Variants in C21orf58 observed in about 807,000 individuals in gnomAD.
C21orf58 encodes uncharacterized protein C21orf58.
A neutral mutation model predicts 35.8 loss-of-function variants in C21orf58; 34 were observed. That is an observed-to-expected ratio of 0.95 (90% CI 0.72 to 1.26). The LOEUF is 1.26. C21orf58 is among the 50% of genes most tolerant of loss of function. The pLI is 0.00. For synonymous variants in C21orf58, 191 were observed against 175.8 expected, an observed-to-expected ratio of 1.09 and a Z score of -0.68; for missense variants, 440 against 414.3, an observed-to-expected ratio of 1.06 and a Z score of -0.54.
intron 1 of C21orf58, among the ~76,000 whole-genome samples, chr21:46,319,853 C>T (rs569338267): frequency 1.3e-5 from 2 of 151,810 alleles, no homozygotes; most frequent in South Asian, 4.2e-4. Context: ...CCCAAGATTG[C>T]GCCACAGCAC....
At chr21:46,306,396 G>A (rs1248572838) in intron 6 of C21orf58, among the ~76,000 whole-genome samples, 1 of 152,096 alleles carries the variant, frequency 6.6e-6, no homozygotes, top group East Asian at 1.9e-4. Flanking sequence ...CTACTTGGGA[G>A]GCTGAGGTAG....
Position 46,323,755 on chromosome 21 carries a change from G to C in C21orf58, c.-1017C>G. 1 of 254,758 alleles carries C rather than the reference G, an allele frequency of 3.9e-6. No homozygotes were observed. The highest frequency in any genetic ancestry group is 7.8e-6 in the Non-Finnish European group (1 of 129,006). 15.8% of individuals were successfully genotyped at this position (254,758 alleles called of 1,614,324 possible). ...GGGAGAAAACGGCCTGGCCCTGTCC[G>C]GGTGGTTGCTGAGCACCGTTCGGCG... On this transcript the variant is annotated 5_prime_UTR_variant, in exon 1 of 8. Transcript: ENST00000291691.
In C21orf58 at chr21:46,318,273, C is replaced by T. The variant is rs2083050935; in HGVS notation, c.101-53G>A. On this transcript the variant is annotated intron_variant, in intron 1 of 7. Transcript: ENST00000291691. ...AGATAGCCACACCCTCCCTGGACTG[C>T]AGTGCCCCAGAAGCCAGCGCTGGGC... 5.6e-6 allele frequency: 9 copies of T among 1,603,104 alleles called. No homozygotes were observed. In the East Asian group the frequency reaches 2.0e-4, roughly 36 times the overall value.
intron 6 of C21orf58, among the ~76,000 whole-genome samples, chr21:46,303,968 G>T (rs908201167): frequency 1.4e-5 from 2 of 144,442 alleles, no homozygotes; most frequent in African/African-American, 5.1e-5. Flanking sequence ...AGCCAGGATG[G>T]TCTCGATCTC....
chr21:46,303,708 A>AATATATATAT (rs1356861977), intron 6 of C21orf58, among the ~76,000 whole-genome samples: 13 of 37,262 alleles, frequency 3.5e-4, no homozygotes, highest in Non-Finnish European at 4.7e-4. Context: ...ACACACACAA[A>AATATATATAT]ATATATATAT....
chr21:46,304,920 G>C (rs1203716041), intron 6 of C21orf58, among the ~76,000 whole-genome samples: 1 of 152,186 alleles, frequency 6.6e-6, no homozygotes, highest in Non-Finnish European at 1.5e-5. Flanking sequence ...TGATCCTTGA[G>C]GACATCACAC....
downstream of C21orf58, chr21:46,300,805 G>C (rs1156453624): frequency 7.8e-7 from 1 of 1,286,434 alleles, no homozygotes; most frequent in Non-Finnish European, 1.0e-6. Flanking sequence ...CTAATAGGGG[G>C]TGAATGAAAG....
At chr21:46,317,289 G>C in intron 2 of C21orf58, 21 bp from the exon 3 acceptor site, 1 of 1,608,398 alleles carries the variant, frequency 6.2e-7, no homozygotes, top group Non-Finnish European at 8.5e-7. Flanking sequence ...GAGAGACCGT[G>C]ACAGAGACGG....
rs770826515 is a variant in C21orf58, at chr21:46,322,630, C to A, written c.100+9G>T. The A allele has an allele frequency of 6.6e-7, 1 of 1,525,642 alleles. No individual in the cohort carries two copies. The highest frequency in any genetic ancestry group is 1.3e-5 in the South Asian group (1 of 79,246). The allele number at this position is 1,525,642 out of a possible 1,614,324, so 94.5% of individuals were successfully genotyped here. Reference sequence around the variant, plus strand: ...TGGGAACCAGGAGACCGCTGGACACCCCGCTCACCACACAGAAGACTGTGG... The same window carrying A: ...TGGGAACCAGGAGACCGCTGGACACACCGCTCACCACACAGAAGACTGTGG... On this transcript the variant is annotated intron_variant, in intron 1 of 7. Transcript: ENST00000291691.
At chr21:46,313,052 G>A in intron 5 of C21orf58, 1 of 985,412 alleles carries the variant, frequency 1.0e-6, no homozygotes, top group Non-Finnish European at 1.2e-6. Flanking sequence ...TTCACAGAAA[G>A]GACGGCAGAG....
intron 3 of C21orf58, 41 bp downstream of exon 3, chr21:46,317,167 C>A (rs371184858): frequency 8.8e-6 from 14 of 1,590,554 alleles, no homozygotes; most frequent in East Asian, 2.3e-5. Flanking sequence ...GCTACACTTG[C>A]GTCTGTCTGT....
rs755358687 is a variant in C21orf58, at chr21:46,315,565, C to A, written c.371-18G>T. 6.4e-7 allele frequency: 1 copy of A among 1,574,568 alleles called. No homozygotes were observed. Among genetic ancestry groups the A allele is most frequent in the Admixed American group, 1.7e-5 (1 of 59,956 alleles). On this transcript the variant is annotated intron_variant, in intron 3 of 7. Transcript: ENST00000291691. ...CTCATTTCCTGGAGGGAAGAACCTG[C>A]TTGCTTACCAAGGAACGCGTAGAGG... is the stretch of plus-strand genomic sequence containing the variant.
chr21:46,301,111 G>T, downstream of C21orf58: 1 of 1,005,620 alleles, frequency 9.9e-7, no homozygotes, highest in South Asian at 4.0e-5. Context: ...AACTCAAAAG[G>T]GATCACGTCA....
chr21:46,321,505 T>G (rs1324986401), intron 1 of C21orf58, among the ~76,000 whole-genome samples: 1 of 152,232 alleles, frequency 6.6e-6, no homozygotes, highest in South Asian at 2.1e-4. Context: ...GTCTTTAGGC[T>G]CCTTCTCAGA....
intron 6 of C21orf58, among the ~76,000 whole-genome samples, chr21:46,308,476 A>T (rs1025623831): frequency 2.6e-5 from 4 of 152,118 alleles, no homozygotes; most frequent in Admixed American, 2.6e-4. Flanking sequence ...AAAAGAGTTA[A>T]ATCTCATATG....
rs1022297123 is a variant in C21orf58, at chr21:46,322,669, A to G, written c.70T>C (p.Ser24Pro). The G allele has an allele frequency of 6.3e-7, 1 of 1,593,824 alleles. No individual in the cohort carries two copies. The highest frequency in any genetic ancestry group is 8.5e-7 in the Non-Finnish European group (1 of 1,169,774). The change falls in exon 1 of 8, where the codon TCT becomes CCT. Residue 24 changes from serine (S) to proline (P), a missense_variant. By Grantham distance (74) the Ser-to-Pro change is moderately conservative. Transcript: ENST00000291691. ...AGAAGACTGTGGCCTGAGTCAGGAG[A>G]AGGAAGTTTCTGGCGGTCGAGCTTC... Reference protein sequence around the residue: ...PWKLDRQKLPSPDSGHSLLCG... With the variant: ...PWKLDRQKLPPPDSGHSLLCG...
chr21:46,314,981 G>A (rs1439580193), intron 4 of C21orf58, 101 bp from the exon 5 acceptor site: 1 of 1,550,248 alleles, frequency 6.5e-7, no homozygotes, highest in Non-Finnish European at 8.7e-7. Flanking sequence ...GCCAGGTACA[G>A]GCGCCTCTCC....
At chr21:46,309,894 G>A (rs1285744981) in intron 6 of C21orf58, among the ~76,000 whole-genome samples, 1 of 152,122 alleles carries the variant, frequency 6.6e-6, no homozygotes, top group African/African-American at 2.4e-5. Context: ...CTACTCCAGA[G>A]GCTGAGGCAG....
At chr21:46,317,331 G>A (rs1015092207) in intron 2 of C21orf58, 63 bp from the exon 3 acceptor site, 4 of 1,577,866 alleles carry the variant, frequency 2.5e-6, no homozygotes, top group African/African-American at 1.3e-5. Context: ...TGTGCTCCAG[G>A]AATGACTAAG....
Sources: gnomAD v4.1 joint callset for allele counts (sites outside exome capture counted in the v4.1 genomes callset) on GRCh38, gnomAD v4.1.1 for gene constraint, MANE v1.5 for transcripts, NCBI Gene and HGNC (gene_info 2026-07-23, HGNC 2026-07-21) for gene names.